RFTN2: variants seen among roughly 807,000 people sequenced by gnomAD.
The protein encoded by RFTN2 is raftlin family member 2, also known as raftlin-2.
RFTN2 carries 34 observed loss-of-function variants against 52.7 expected under a neutral mutation model. That is an observed-to-expected ratio of 0.64 (90% CI 0.49 to 0.86). RFTN2 has a LOEUF of 0.86. Among genes scored for constraint, RFTN2 ranks in the 40% least tolerant of loss-of-function variants. The probability of loss-of-function intolerance (pLI) is 0.00; values close to 1 mark genes in which losing one functional copy is unlikely to be tolerated. For missense variants in RFTN2, 536 were observed against 600.1 expected (o/e 0.89, Z 1.12); for synonymous variants, 203 against 217.7 (o/e 0.93, Z 0.59).
intron 8 of RFTN2, among the ~76,000 whole-genome samples, chr2:197,581,995 C>T (rs903722186): frequency 6.6e-6 from 1 of 152,242 alleles, no homozygotes; most frequent in African/African-American, 2.4e-5. Flanking sequence ...CATCCCAACC[C>T]TTTTCATTAC....
intron 1 of RFTN2, among the ~76,000 whole-genome samples, chr2:197,652,020 T>C (rs2088833136): frequency 6.6e-6 from 1 of 152,244 alleles, no homozygotes; most frequent in South Asian, 2.1e-4. Context: ...ATTTCATTTT[T>C]GTGAAGGTGT....
intron 7 of RFTN2, among the ~76,000 whole-genome samples, chr2:197,598,135 T>C (rs2087821215): frequency 6.6e-6 from 1 of 152,012 alleles, no homozygotes; most frequent in Admixed American, 6.6e-5. Context: ...GGAAACATAC[T>C]GAGACTCTTG....
chr2:197,613,981 A>G (rs565128302), intron 7 of RFTN2, among the ~76,000 whole-genome samples: 3 of 152,342 alleles, frequency 2.0e-5, no homozygotes, highest in South Asian at 4.1e-4. Context: ...TCTCTTTAGT[A>G]TTTGATGATC....
intron 5 of RFTN2, among the ~76,000 whole-genome samples, chr2:197,627,904 G>T (rs548175114): frequency 6.1e-4 from 77 of 126,578 alleles, no homozygotes; most frequent in Admixed American, 1.4e-3. Context: ...TTTCTGGAAG[G>T]AGGTATTTTA....
chr2:197,626,690 C>T (rs1435223726), intron 5 of RFTN2, among the ~76,000 whole-genome samples: 4 of 121,436 alleles, frequency 3.3e-5, no homozygotes, highest in East Asian at 5.0e-4. Flanking sequence ...GGTGTGATCT[C>T]GGCTCACTGC....
intron 1 of RFTN2, among the ~76,000 whole-genome samples, chr2:197,647,703 G>A (rs1328828625): frequency 6.6e-6 from 1 of 152,092 alleles, no homozygotes; most frequent in Non-Finnish European, 1.5e-5. Context: ...TTGAGTAAAG[G>A]TGAATGAAAA....
At chr2:197,573,139 G>C (rs930043342) in intron 8 of RFTN2, among the ~76,000 whole-genome samples, 1 of 152,078 alleles carries the variant, frequency 6.6e-6, no homozygotes, top group Non-Finnish European at 1.5e-5. Context: ...ACCCAAAAAT[G>C]TAGAAGCGAC....
intron 1 of RFTN2, among the ~76,000 whole-genome samples, chr2:197,663,472 G>T (rs989584731): frequency 1.3e-5 from 2 of 152,080 alleles, no homozygotes; most frequent in Non-Finnish European, 2.9e-5. Context: ...TTTCTTTGTT[G>T]GGAGACTTTT....
intron 8 of RFTN2, among the ~76,000 whole-genome samples, chr2:197,592,921 A>G (rs935383707): frequency 3.9e-5 from 6 of 152,214 alleles, no homozygotes; most frequent in Admixed American, 1.3e-4. Context: ...TGTTTCCTTA[A>G]GTAAAAACTG....
Position 197,629,697 on chromosome 2 carries a change from C to T in RFTN2, c.928+1314G>A, listed in dbSNP as rs1377933944. Among the ~76,000 whole-genome samples the T allele has an allele frequency of 6.3e-3, 804 of 126,890 alleles. 4 individuals are homozygous for T. Among genetic ancestry groups the T allele is most frequent in the Non-Finnish European group, 0.011 (616 of 58,014 alleles). The allele number at this position is 126,890 out of a possible 152,430, so 83.2% of individuals were successfully genotyped here. On this transcript the variant is annotated intron_variant, in intron 5 of 8. Transcript: ENST00000295049. ...TTATACACACACACACACACACACACACATATTTATTTTATTTTATTTTAT... is the reference window on the plus strand; with the variant it reads ...TTATACACACACACACACACACACATACATATTTATTTTATTTTATTTTAT...
In RFTN2 at chr2:197,608,468, C is replaced by T. The variant is rs192737691; in HGVS notation, c.1154+7408G>A. 3.8e-3 allele frequency among the ~76,000 whole-genome samples: 580 copies of T among 151,884 alleles called. 5 individuals are homozygous for T. Among genetic ancestry groups the T allele is most frequent in the African/African-American group, 0.013 (536 of 41,410 alleles). ...CTGGAACTACAGGTGCACACCACCA[C>T]GCGCAGCTAATTTTTTTGTATTTTT... On this transcript the variant is annotated intron_variant, in intron 7 of 8. Coordinates refer to ENST00000295049, the MANE Select transcript of RFTN2 (RefSeq NM_144629.3).
intron 3 of RFTN2, among the ~76,000 whole-genome samples, chr2:197,642,862 C>T (rs2088694275): frequency 6.6e-6 from 1 of 152,048 alleles, no homozygotes; most frequent in African/African-American, 2.4e-5. Flanking sequence ...GCCTACAATC[C>T]CAGCTACCAG....
chr2:197,675,289 A>G, intron 1 of RFTN2, 31 bp downstream of exon 1: 1 of 1,542,898 alleles, frequency 6.5e-7, no homozygotes, highest in Non-Finnish European at 8.7e-7. Context: ...TCTCTGAAAC[A>G]TTTAACAAAC....
chr2:197,659,732 G>C (rs1225253013), intron 1 of RFTN2, among the ~76,000 whole-genome samples: 2 of 151,876 alleles, frequency 1.3e-5, no homozygotes. Flanking sequence ...CAGGAGAATT[G>C]CTTGAACCAG....
chr2:197,608,469 G>A (rs1034367884), intron 7 of RFTN2, among the ~76,000 whole-genome samples: 5 of 151,570 alleles, frequency 3.3e-5, no homozygotes, highest in South Asian at 4.2e-4. Flanking sequence ...ACACCACCAC[G>A]CGCAGCTAAT....
chr2:197,654,534 G>A (rs1254188232), intron 1 of RFTN2, among the ~76,000 whole-genome samples: 5 of 152,194 alleles, frequency 3.3e-5, no homozygotes, highest in Admixed American at 1.3e-4. Context: ...GTGATCCAAT[G>A]TTTAATTCTG....
chr2:197,633,368 C>T (rs564891843), intron 4 of RFTN2, among the ~76,000 whole-genome samples: 2 of 152,254 alleles, frequency 1.3e-5, no homozygotes, highest in African/African-American at 4.8e-5. Context: ...TTTATTAGTA[C>T]AAACATAAAT....
intron 1 of RFTN2, among the ~76,000 whole-genome samples, chr2:197,673,829 T>G (rs1373357546): frequency 6.6e-6 from 1 of 152,190 alleles, no homozygotes; most frequent in Non-Finnish European, 1.5e-5. Flanking sequence ...AACCCTATGA[T>G]CCTACAATGG....
intron 5 of RFTN2, 83 bp downstream of exon 5, chr2:197,630,926 GAA>G: frequency 1.2e-6 from 1 of 866,928 alleles, no homozygotes; most frequent in Non-Finnish European, 1.9e-6. Context: ...TTCAGCCATA[GAA>G]CTTGAGAGGT....
Sources: allele counts gnomAD v4.1 joint callset (sites outside exome capture counted in the v4.1 genomes callset), GRCh38; gene constraint gnomAD v4.1.1; transcripts MANE v1.5; gene names NCBI Gene and HGNC (gene_info 2026-07-23, HGNC 2026-07-21).